Variants in C1QTNF7 observed in about 807,000 individuals in gnomAD.
C1QTNF7 encodes C1q and TNF related 7.
In C1QTNF7, 15 loss-of-function variants were observed where a neutral mutation model predicts 19.6. The ratio of observed to expected loss-of-function variants is 0.76; its 90% CI spans 0.51 to 1.18. The LOEUF is 1.18. Among genes scored for constraint, C1QTNF7 ranks in the 50% most tolerant of loss-of-function variants. The pLI, the probability that C1QTNF7 is intolerant of heterozygous loss-of-function variation, is 0.00. For synonymous variants in C1QTNF7, 142 were observed against 137.5 expected (o/e 1.03, Z -0.23); for missense variants, 324 against 359.7 (o/e 0.90, Z 0.80).
At chr4:15,374,562 G>A (rs1717856518) in intron 1 of C1QTNF7, 1 of 985,362 alleles carries the variant, frequency 1.0e-6, no homozygotes, top group Non-Finnish European at 1.2e-6. Flanking sequence ...TGCACGCCGG[G>A]GTCCTTGCCC....
At chr4:15,342,917 T>C (rs952828431) in intron 1 of C1QTNF7, among the ~76,000 whole-genome samples, 1 of 152,222 alleles carries the variant, frequency 6.6e-6, no homozygotes, top group Non-Finnish European at 1.5e-5. Context: ...TTCAATGATG[T>C]ATGAACTTCG....
rs114315850 is a variant in C1QTNF7, at chr4:15,394,434, A to T, written c.14-41302A>T. Reference sequence around the variant, plus strand: ...GAAAGGTATTCACCACATATTGTTTAGTGAAAAGAGCATGTTGCAGAAAAT... The same window carrying T: ...GAAAGGTATTCACCACATATTGTTTTGTGAAAAGAGCATGTTGCAGAAAAT... On this transcript the variant is annotated intron_variant, in intron 1 of 2. Coordinates refer to the C1QTNF7 transcript ENST00000295297. 5.4e-3 allele frequency among the ~76,000 whole-genome samples: 824 copies of T among 152,366 alleles called. 10 individuals carry two copies. The highest frequency in any genetic ancestry group is 0.019 in the African/African-American group (791 of 41,594).
upstream of C1QTNF7, among the ~76,000 whole-genome samples, chr4:15,424,651 T>C (rs1711955763): frequency 6.6e-6 from 1 of 152,176 alleles, no homozygotes; most frequent in Non-Finnish European, 1.5e-5. Context: ...CATATATTCT[T>C]GCCTCTCTAA....
chr4:15,422,824 T>C (rs2108927600), intron 1 of C1QTNF7, among the ~76,000 whole-genome samples: 1 of 152,226 alleles, frequency 6.6e-6, no homozygotes, highest in Middle Eastern at 3.4e-3. Flanking sequence ...GGTTTTGCCA[T>C]ATTGCCCAGG....
At chr4:15,441,841 G>A (rs1416690086) in intron 2 of C1QTNF7, among the ~76,000 whole-genome samples, 1 of 152,032 alleles carries the variant, frequency 6.6e-6, no homozygotes, top group Non-Finnish European at 1.5e-5. Context: ...CCAACATGGT[G>A]AAACCCAGTC....
chr4:15,355,254 G>A (rs1049471579), intron 1 of C1QTNF7, among the ~76,000 whole-genome samples: 1 of 152,230 alleles, frequency 6.6e-6, no homozygotes, highest in East Asian at 1.9e-4. Context: ...GAATGCTGTG[G>A]GCTGGGTGAA....
chr4:15,388,344 GTTTTCCTCCC>G, intron 1 of C1QTNF7, among the ~76,000 whole-genome samples: 1 of 152,180 alleles, frequency 6.6e-6, no homozygotes, highest in East Asian at 1.9e-4. Context: ...ATGCTTGTGT[GTTTTCCTCCC>G]GTCCATCCAG....
At chr4:15,366,578 C>T (rs1470388785) in intron 1 of C1QTNF7, among the ~76,000 whole-genome samples, 1 of 152,116 alleles carries the variant, frequency 6.6e-6, no homozygotes, top group Non-Finnish European at 1.5e-5. Context: ...TCTTTTTCCT[C>T]ACTTTTTTCC....
At chr4:15,395,499 G>T (rs975549507) in intron 1 of C1QTNF7, among the ~76,000 whole-genome samples, 1 of 152,136 alleles carries the variant, frequency 6.6e-6, no homozygotes, top group African/African-American at 2.4e-5. Context: ...GCCCTGTGAT[G>T]AATGGATGCC....
At chr4:15,418,267 C>T (rs1045561207) in intron 1 of C1QTNF7, among the ~76,000 whole-genome samples, 2 of 152,224 alleles carry the variant, frequency 1.3e-5, no homozygotes, top group East Asian at 1.9e-4. Context: ...TCTCCATCAT[C>T]GTTTTATGCA....
At chr4:15,363,466 A>G (rs1317203037) in intron 1 of C1QTNF7, among the ~76,000 whole-genome samples, 1 of 152,172 alleles carries the variant, frequency 6.6e-6, no homozygotes, top group African/African-American at 2.4e-5. Flanking sequence ...CCATGACTGC[A>G]TTCTGGATCA....
intron 1 of C1QTNF7, among the ~76,000 whole-genome samples, chr4:15,371,534 A>C (rs1717725922): frequency 1.3e-5 from 2 of 152,316 alleles, no homozygotes; most frequent in South Asian, 2.1e-4. Context: ...TGAGGGAGAC[A>C]ACCATTATGC....
chr4:15,402,244 T>TAAA (rs754376607), intron 1 of C1QTNF7, among the ~76,000 whole-genome samples: 24 of 152,182 alleles, frequency 1.6e-4, no homozygotes, highest in Non-Finnish European at 2.6e-4. Flanking sequence ...GGGGACAAGG[T>TAAA]GACCCAAGAG....
chr4:15,374,938 G>C (rs1717877648), intron 1 of C1QTNF7, among the ~76,000 whole-genome samples: 1 of 151,788 alleles, frequency 6.6e-6, no homozygotes, highest in East Asian at 1.9e-4. Flanking sequence ...CTCCTCTGGG[G>C]GTTGCTTCTG....
At chr4:15,374,653 C>G (rs1488869724) in intron 1 of C1QTNF7, 2 of 985,074 alleles carry the variant, frequency 2.0e-6, no homozygotes, top group Non-Finnish European at 2.4e-6. Flanking sequence ...AATCTGAAGC[C>G]CCAAAGAATT....
At chr4:15,379,262 T>C (rs1484854336) in intron 1 of C1QTNF7, among the ~76,000 whole-genome samples, 3 of 152,170 alleles carry the variant, frequency 2.0e-5, no homozygotes, top group Non-Finnish European at 4.4e-5. Flanking sequence ...TTGCCTGTAG[T>C]GAAGAAAGTT....
At chr4:15,421,732 TAAG>T (rs1560364972) in intron 1 of C1QTNF7, among the ~76,000 whole-genome samples, 1 of 152,120 alleles carries the variant, frequency 6.6e-6, no homozygotes, top group African/African-American at 2.4e-5. Flanking sequence ...ACACCTGTAA[TAAG>T]GAGATAATAA....
At chr4:15,405,543 A>G (rs1719158931) in intron 1 of C1QTNF7, among the ~76,000 whole-genome samples, 1 of 152,206 alleles carries the variant, frequency 6.6e-6, no homozygotes, top group Non-Finnish European at 1.5e-5. Flanking sequence ...TATTAACAGT[A>G]TCTGCCACAG....
chr4:15,398,367 A>AC lies in C1QTNF7; in HGVS notation c.14-37362dup, dbSNP rs533780099. On this transcript the variant is annotated intron_variant, in intron 1 of 2. Coordinates refer to the C1QTNF7 transcript ENST00000295297. Reference sequence around the variant, plus strand: ...TCATGCTTAATATCCATTATTGACCACCCCCCCTCCCTGCCCCATTGATGT... The same window carrying AC: ...TCATGCTTAATATCCATTATTGACCACCCCCCCCTCCCTGCCCCATTGATGT... Among the ~76,000 whole-genome samples, 85 of 151,054 alleles carry AC rather than the reference A, an allele frequency of 5.6e-4. No homozygotes were observed. In the South Asian group the frequency reaches 7.0e-3, roughly 12 times the overall value.
Sources: gnomAD v4.1 joint callset for allele counts (sites outside exome capture counted in the v4.1 genomes callset) on GRCh38, gnomAD v4.1.1 for gene constraint, MANE v1.5 for transcripts, NCBI Gene and HGNC (gene_info 2026-07-23, HGNC 2026-07-21) for gene names.